Variants in NDUFAF5 observed in about 807,000 individuals in gnomAD.
NDUFAF5 encodes the protein NADH:ubiquinone oxidoreductase complex assembly factor 5.
NDUFAF5 carries 34 observed loss-of-function variants against 48.9 expected under a neutral mutation model. The observed-to-expected ratio is 0.70, with a 90% CI of 0.53 to 0.93. NDUFAF5 has a LOEUF of 0.93. Ranked by LOEUF, NDUFAF5 falls within the 40% of genes least tolerant of loss-of-function variation. NDUFAF5 has a pLI of 0.00. For missense variants in NDUFAF5, 428 were observed against 427.5 expected (o/e 1.00, Z -0.01); for synonymous variants, 153 against 150.6 (o/e 1.02, Z -0.12).
chr20:13,785,381 C>T, intron 1 of NDUFAF5, 91 bp downstream of exon 1: 1 of 1,138,004 alleles, frequency 8.8e-7, no homozygotes, highest in South Asian at 1.4e-5. Flanking sequence ...GAGCTCACCC[C>T]ACCTAGCCGT....
At chr20:13,785,343 TC>T in intron 1 of NDUFAF5, 53 bp downstream of exon 1, 1 of 1,336,180 alleles carries the variant, frequency 7.5e-7, no homozygotes, top group South Asian at 1.2e-5. Flanking sequence ...AGGCTTGTTT[TC>T]CTCTCCGCTA....
chr20:13,809,004 T>C, intron 8 of NDUFAF5, 102 bp downstream of exon 8: 2 of 793,110 alleles, frequency 2.5e-6, no homozygotes, highest in Non-Finnish European at 4.4e-6. Context: ...GAGCCAGCTC[T>C]TTGGCAGGCA....
chr20:13,818,440 G>A lies in NDUFAF5; in HGVS notation c.*1230G>A. On this transcript the variant is annotated 3_prime_UTR_variant, in exon 11 of 11. Transcript: ENST00000378106. ...AGTAGAATTTGGCGTTTTGTTTTTT[G>A]GGGTTTTTTTTTTTTTTAGCTTAAT... 1 of 317,590 alleles carries A rather than the reference G, an allele frequency of 3.1e-6. No individual in the cohort carries two copies. The highest frequency in any genetic ancestry group is 2.6e-5 in the South Asian group (1 of 39,034). 19.7% of individuals were successfully genotyped at this position (317,590 alleles called of 1,614,324 possible). A position where few individuals can be genotyped will look rare whatever the true frequency, so the allele number is the denominator to read the frequency against.
At chr20:13,788,512 T>A in intron 2 of NDUFAF5, 77 bp from the exon 3 acceptor site, 1 of 1,166,618 alleles carries the variant, frequency 8.6e-7, no homozygotes. Context: ...CTGGAATGAT[T>A]TTACCTAAGA....
chr20:13,787,817 A>G (rs933596891), intron 2 of NDUFAF5, among the ~76,000 whole-genome samples: 5 of 152,220 alleles, frequency 3.3e-5, no homozygotes, highest in Admixed American at 6.5e-5. Flanking sequence ...ACAAATTGCA[A>G]TGGGGCTCTT....
rs1448820489 is a variant in NDUFAF5 at position 13,818,317 on chromosome 20, A to T, written c.*1107A>T. 2.3e-6 allele frequency: 1 copy of T among 433,358 alleles called. No individual in the cohort carries two copies. 26.8% of individuals were successfully genotyped at this position (433,358 alleles called of 1,614,324 possible). On this transcript the variant is annotated 3_prime_UTR_variant, in exon 11 of 11. Transcript: ENST00000378106. The stretch of plus-strand genomic sequence containing the variant: ...TTAAAAACCAAGATTTGTAGGAGAA[A>T]AAGAAATTATTGTTCCCTTCAGTTT...
In NDUFAF5 at chr20:13,802,691, G is replaced by C. The variant is rs77130060; in HGVS notation, c.717+1008G>C. ...CGTCTCAAAAAAAAAAAAAAAAAAAGCAAATGTTACTCACCTCACCCTTTA... is the reference window on the plus strand; with the variant it reads ...CGTCTCAAAAAAAAAAAAAAAAAAACCAAATGTTACTCACCTCACCCTTTA... On this transcript the variant is annotated intron_variant, in intron 7 of 10. Coordinates refer to ENST00000378106, the MANE Select transcript of NDUFAF5 (RefSeq NM_024120.5). Among the ~76,000 whole-genome samples, 10 of 89,018 alleles carry C rather than the reference G, an allele frequency of 1.1e-4. No homozygotes were observed. In the East Asian group the frequency reaches 3.8e-3, roughly 34 times the overall value. 58.4% of individuals were successfully genotyped at this position (89,018 alleles called of 152,430 possible). A position where few individuals can be genotyped will look rare whatever the true frequency, so the allele number is the denominator to read the frequency against.
intron 3 of NDUFAF5, 32 bp downstream of exon 3, chr20:13,788,684 A>C: frequency 7.1e-7 from 1 of 1,405,664 alleles, no homozygotes; most frequent in Non-Finnish European, 1.0e-6. Flanking sequence ...ATTTACTTTG[A>C]AAAGTAACAT....
intron 5 of NDUFAF5, among the ~76,000 whole-genome samples, chr20:13,795,253 G>A (rs147108400): frequency 1.3e-5 from 2 of 152,138 alleles, no homozygotes; most frequent in Non-Finnish European, 2.9e-5. Flanking sequence ...TTGGGAGCAG[G>A]AGTTTGAAAG....
At chr20:13,793,145 A>G (rs780611498) in intron 3 of NDUFAF5, 35 bp from the exon 4 acceptor site, 1 of 1,612,676 alleles carries the variant, frequency 6.2e-7, no homozygotes, top group Non-Finnish European at 8.5e-7. Flanking sequence ...TTGTGACTGG[A>G]TTTGTTTGTT....
intron 5 of NDUFAF5, among the ~76,000 whole-genome samples, chr20:13,796,664 C>G (rs1983267429): frequency 6.6e-6 from 1 of 152,124 alleles, no homozygotes; most frequent in African/African-American, 2.4e-5. Flanking sequence ...TGACTACACT[C>G]TAGGTGAGAG....
intron 8 of NDUFAF5, chr20:13,814,064 TTTG>T: frequency 4.6e-6 from 1 of 218,584 alleles, no homozygotes; most frequent in African/African-American, 2.3e-5. Flanking sequence ...AATCTGTTTG[TTTG>T]TTTTTTTTTA....
rs1485172201 is a variant in NDUFAF5 at position 13,819,561 on chromosome 20, G to C, written c.*2351G>C. On this transcript the variant is annotated 3_prime_UTR_variant, in exon 11 of 11. Coordinates refer to ENST00000378106, the MANE Select transcript of NDUFAF5 (RefSeq NM_024120.5). ...TTTTTGTATTTTTAATAGAGATGGG[G>C]TTTCACCATGTTGGCCAGGATGGTC... The C allele has an allele frequency of 6.6e-6, 1 of 152,112 alleles. No homozygotes were observed. Among genetic ancestry groups the C allele is most frequent in the Non-Finnish European group, 1.5e-5 (1 of 68,064 alleles). The allele number at this position is 152,112 out of a possible 1,614,324, so 9.4% of individuals were successfully genotyped here.
intron 6 of NDUFAF5, among the ~76,000 whole-genome samples, chr20:13,800,236 T>G (rs959028372): frequency 2.0e-5 from 3 of 151,946 alleles, no homozygotes; most frequent in Non-Finnish European, 4.4e-5. Flanking sequence ...GAGAACTAAG[T>G]CTTAGGTATT....
chr20:13,807,749 C>T (rs187567471), intron 7 of NDUFAF5, among the ~76,000 whole-genome samples: 1 of 151,512 alleles, frequency 6.6e-6, no homozygotes, highest in African/African-American at 2.4e-5. Flanking sequence ...CGAGACCAGC[C>T]TGGCTAACAC....
chr20:13,811,651 A>G (rs900952420), intron 8 of NDUFAF5, among the ~76,000 whole-genome samples: 4 of 152,166 alleles, frequency 2.6e-5, no homozygotes, highest in Non-Finnish European at 5.9e-5. Context: ...GGCTTCAAGG[A>G]GTAAGAAGGA....
chr20:13,788,014 C>T (rs887586378), intron 2 of NDUFAF5, among the ~76,000 whole-genome samples: 5 of 152,040 alleles, frequency 3.3e-5, no homozygotes, highest in East Asian at 3.9e-4. Flanking sequence ...TCAGACTGAC[C>T]GAATTCAAGT....
chr20:13,796,872 G>A (rs559355448), intron 5 of NDUFAF5, among the ~76,000 whole-genome samples: 16 of 152,178 alleles, frequency 1.1e-4, no homozygotes, highest in South Asian at 2.1e-4. Context: ...CCAGCTGCTC[G>A]AGAGGCTGAG....
At chr20:13,799,196 T>C (rs529318939) in intron 6 of NDUFAF5, among the ~76,000 whole-genome samples, 1 of 152,182 alleles carries the variant, frequency 6.6e-6, no homozygotes, top group South Asian at 2.1e-4. Context: ...TTTAGGAGGA[T>C]TTGAGTGTCA....
Sources: gnomAD v4.1 joint callset for allele counts (sites outside exome capture counted in the v4.1 genomes callset) on GRCh38, gnomAD v4.1.1 for gene constraint, MANE v1.5 for transcripts, NCBI Gene and HGNC (gene_info 2026-07-23, HGNC 2026-07-21) for gene names.